TRPC4: variants seen among roughly 807,000 people sequenced by gnomAD.
The protein encoded by TRPC4 is short transient receptor potential channel 4.
Under a neutral mutation model 99.4 loss-of-function variants are expected in TRPC4, and 49 were observed. That is an observed-to-expected ratio of 0.49 (90% CI 0.39 to 0.63). The LOEUF (loss-of-function observed/expected upper bound fraction) is 0.63, where lower values mean the gene tolerates loss of function less well. Among genes scored for constraint, TRPC4 ranks in the 20% least tolerant of loss-of-function variants. The pLI is 0.00. For synonymous variants in TRPC4, 454 were observed against 425.9 expected, an observed-to-expected ratio of 1.07 and a Z score of -0.81; for missense variants, 898 against 1,152.9, an observed-to-expected ratio of 0.78 and a Z score of 3.20.
chr13:37,771,922 A>G (rs1344991074), intron 2 of TRPC4, among the ~76,000 whole-genome samples: 1 of 151,700 alleles, frequency 6.6e-6, no homozygotes, highest in Non-Finnish European at 1.5e-5. Flanking sequence ...AGTATATAGC[A>G]TGGAGACAAT....
intron 1 of TRPC4, among the ~76,000 whole-genome samples, chr13:37,847,371 A>G (rs1268706347): frequency 6.6e-6 from 1 of 152,102 alleles, no homozygotes; most frequent in Non-Finnish European, 1.5e-5. Context: ...TAAAATTAGA[A>G]ATCAATAATA....
intron 3 of TRPC4, among the ~76,000 whole-genome samples, chr13:37,741,370 A>C (rs1955584256): frequency 1.3e-5 from 2 of 152,224 alleles, no homozygotes. Context: ...TGTCTAAGAC[A>C]TGTCCTCAGT....
At chr13:37,651,046 A>G (rs1422798323) in intron 8 of TRPC4, among the ~76,000 whole-genome samples, 1 of 152,190 alleles carries the variant, frequency 6.6e-6, no homozygotes, top group African/African-American at 2.4e-5. Context: ...GACTTCTATT[A>G]AAATAGTAGT....
At chr13:37,791,041 C>A (rs1174436965) in intron 1 of TRPC4, among the ~76,000 whole-genome samples, 1 of 151,874 alleles carries the variant, frequency 6.6e-6, no homozygotes, top group African/African-American at 2.4e-5. Flanking sequence ...GTGCATATGA[C>A]CTCAGTTTTT....
chr13:37,724,948 TAACAAAGACTTTA>T (rs547410485), intron 3 of TRPC4, among the ~76,000 whole-genome samples: 3 of 152,208 alleles, frequency 2.0e-5, no homozygotes, highest in African/African-American at 4.8e-5. Context: ...AAATACTTGA[TAACAAAGACTTTA>T]AACAAAGACT....
rs771983959 is a variant in TRPC4 at position 37,663,461 on chromosome 13, G to T, written c.1643C>A (p.Thr548Asn). Residue 548 changes from threonine to asparagine, a missense_variant, in exon 6 of 11, where the codon ACC (threonine) becomes AAC (asparagine). This residue lies in a region of TRPC4 where 274 missense variants were observed against 454.9 expected (regional missense o/e 0.60). Coordinates refer to ENST00000379705, the MANE Select transcript of TRPC4 (RefSeq NM_016179.4). The part of the protein sequence containing the change: ...YFYYEETKGL[T>N]CKGIRCEKQN... ...CTTTTCACATCTTATGCCTTTGCAG[G>T]TTAACCCTTTCGTTTCTTCATAATA... 8 of 1,614,128 alleles carry T rather than the reference G, an allele frequency of 5.0e-6. No individual in the cohort carries two copies. Among genetic ancestry groups the T allele is most frequent in the Non-Finnish European group, 6.8e-6 (8 of 1,180,004 alleles).
intron 2 of TRPC4, among the ~76,000 whole-genome samples, chr13:37,748,209 A>AC (rs1955838756): frequency 6.6e-6 from 1 of 152,136 alleles, no homozygotes; most frequent in Admixed American, 6.6e-5. Flanking sequence ...ATATGAGGAG[A>AC]CTACTGTACT....
intron 3 of TRPC4, among the ~76,000 whole-genome samples, chr13:37,705,790 G>A (rs1954254591): frequency 6.6e-6 from 1 of 152,046 alleles, no homozygotes. Context: ...GCTCCTGTAC[G>A]ACACTTTCTC....
chr13:37,706,558 A>G (rs1213500327), intron 3 of TRPC4, among the ~76,000 whole-genome samples: 1 of 151,972 alleles, frequency 6.6e-6, no homozygotes, highest in African/African-American at 2.4e-5. Flanking sequence ...TACATGTGCC[A>G]TGTTGGTGTG....
At chr13:37,717,419 G>C (rs1456464779) in intron 3 of TRPC4, among the ~76,000 whole-genome samples, 1 of 152,148 alleles carries the variant, frequency 6.6e-6, no homozygotes, top group Non-Finnish European at 1.5e-5. Flanking sequence ...CGTGGGTCTA[G>C]AATGTATACT....
intron 2 of TRPC4, among the ~76,000 whole-genome samples, chr13:37,771,977 T>C (rs1378022669): frequency 6.6e-6 from 1 of 151,566 alleles, no homozygotes; most frequent in African/African-American, 2.4e-5. Flanking sequence ...TGTAGACAAC[T>C]GAAGTTGGAC....
At chr13:37,676,267 GAA>G (rs10710897) in intron 4 of TRPC4, among the ~76,000 whole-genome samples, 103 of 128,196 alleles carry the variant, frequency 8.0e-4, no homozygotes, top group African/African-American at 1.7e-3. Context: ...AAGCAGCCAA[GAA>G]AAAAAAAAAA....
intron 3 of TRPC4, among the ~76,000 whole-genome samples, chr13:37,716,568 C>G (rs1333354): frequency 0.21 from 31,226 of 151,956 alleles, 3,356 homozygotes; most frequent in Non-Finnish European, 0.22. Context: ...GAACTCTGAA[C>G]CTACATAGTA....
intron 2 of TRPC4, among the ~76,000 whole-genome samples, chr13:37,767,576 T>C (rs556218785): frequency 1.3e-5 from 2 of 151,340 alleles, no homozygotes; most frequent in South Asian, 2.1e-4. Flanking sequence ...AGAGGTCAAA[T>C]TGAAGAAAAA....
intron 1 of TRPC4, among the ~76,000 whole-genome samples, chr13:37,854,392 C>T (rs138523387): frequency 6.6e-6 from 1 of 152,036 alleles, no homozygotes; most frequent in Non-Finnish European, 1.5e-5. Flanking sequence ...TGAGGGATTT[C>T]ATCAATACCA....
intron 3 of TRPC4, among the ~76,000 whole-genome samples, chr13:37,732,657 G>C (rs1249835964): frequency 2.0e-5 from 3 of 151,970 alleles, no homozygotes; most frequent in African/African-American, 7.2e-5. Flanking sequence ...AATCAGTAGC[G>C]CTTCTACATG....
chr13:37,662,819 A>G (rs7338239), intron 6 of TRPC4, among the ~76,000 whole-genome samples: 55,331 of 152,100 alleles, frequency 0.36, 10,451 homozygotes, highest in African/African-American at 0.41. Flanking sequence ...AGCAAAGCCC[A>G]TTATGAGAAT....
chr13:37,694,955 T>G (rs915095067), intron 3 of TRPC4, among the ~76,000 whole-genome samples: 1 of 152,190 alleles, frequency 6.6e-6, no homozygotes, highest in Admixed American at 6.5e-5. Flanking sequence ...GCTCTTTACT[T>G]GTCTACACCA....
At chr13:37,746,819 A>G (rs546095009) in intron 2 of TRPC4, among the ~76,000 whole-genome samples, 22 of 152,254 alleles carry the variant, frequency 1.4e-4, no homozygotes, top group African/African-American at 5.3e-4. Context: ...GAGGTCCAAA[A>G]TAATCAAGAA....
Sources: allele counts gnomAD v4.1 joint callset (sites outside exome capture counted in the v4.1 genomes callset), GRCh38; gene constraint gnomAD v4.1.1; regional missense constraint gnomAD v4.1.1; transcripts MANE v1.5; gene names NCBI Gene and HGNC (gene_info 2026-07-23, HGNC 2026-07-21).